ADARB2: variants seen among roughly 807,000 people sequenced by gnomAD.
ADARB2 encodes inactive double-stranded RNA-specific editase B2.
A neutral mutation model predicts 62.2 loss-of-function variants in ADARB2; 25 were observed. That is an observed-to-expected ratio of 0.40 (90% CI 0.29 to 0.56). ADARB2 has a LOEUF of 0.56. ADARB2 is among the 20% of genes least tolerant of loss of function. The probability of loss-of-function intolerance (pLI) is 0.43; values close to 1 mark genes in which losing one functional copy is unlikely to be tolerated. For synonymous variants in ADARB2, 572 were observed against 500.8 expected (o/e 1.14, Z -1.90); for missense variants, 1,071 against 1,077.4 (o/e 0.99, Z 0.08).
chr10:1,309,428 G>T (rs941728073), intron 3 of ADARB2, among the ~76,000 whole-genome samples: 1 of 152,162 alleles, frequency 6.6e-6, no homozygotes, highest in Non-Finnish European at 1.5e-5. Context: ...TGGGATACAC[G>T]AGGCCTGTCT....
chr10:1,665,790 T>C (rs114087776), intron 1 of ADARB2, among the ~76,000 whole-genome samples: 85 of 152,322 alleles, frequency 5.6e-4, no homozygotes, highest in Non-Finnish European at 9.3e-4. Flanking sequence ...GGGGGCCTTG[T>C]GTCCCCCAGA....
At chr10:1,217,528 G>A (rs1319282325) in intron 6 of ADARB2, among the ~76,000 whole-genome samples, 1 of 152,164 alleles carries the variant, frequency 6.6e-6, no homozygotes, top group African/African-American at 2.4e-5. Context: ...GTGAAACACC[G>A]TTTTTCTCAC....
At chr10:1,699,071 T>G (rs1834786336) in intron 1 of ADARB2, among the ~76,000 whole-genome samples, 1 of 152,226 alleles carries the variant, frequency 6.6e-6, no homozygotes, top group African/African-American at 2.4e-5. Context: ...GCAAATGACT[T>G]TTTTTAAACC....
intron 1 of ADARB2, among the ~76,000 whole-genome samples, chr10:1,729,126 C>A (rs529860099): frequency 1.2e-4 from 19 of 152,268 alleles, no homozygotes; most frequent in Non-Finnish European, 2.2e-4. Flanking sequence ...AAAAGGTTAT[C>A]TGTAGTAGTA....
At position 1,211,328 on chromosome 10, in the gene ADARB2, T is replaced by C. The variant is rs367720491; in HGVS notation, c.1682+5623A>G. Among the ~76,000 whole-genome samples, 62 of 152,340 alleles carry C rather than the reference T, an allele frequency of 4.1e-4. 1 individual carries two copies. The highest frequency in any genetic ancestry group is 1.5e-3 in the African/African-American group (61 of 41,568). On this transcript the variant is annotated intron_variant, in intron 7 of 9. Coordinates refer to ENST00000381312, the MANE Select transcript of ADARB2 (RefSeq NM_018702.4). ...TCTGTCATCTTCATCTATCTGTCAT[T>C]TATTGTTCTATGTATGCCTGCTATG...
Position 1,226,327 on chromosome 10 carries a change from C to G in ADARB2, c.1513+7367G>C, listed in dbSNP as rs191630169. On this transcript the variant is annotated intron_variant, in intron 6 of 9. Coordinates refer to ENST00000381312, the MANE Select transcript of ADARB2 (RefSeq NM_018702.4). Reference sequence around the variant, plus strand: ...CCATTCATCTAATTTTTTTTCAAAACTTTTAACTTCTTTGCCATTGGTTCG... The same window carrying G: ...CCATTCATCTAATTTTTTTTCAAAAGTTTTAACTTCTTTGCCATTGGTTCG... Among the ~76,000 whole-genome samples the G allele has an allele frequency of 1.6e-3, 239 of 152,148 alleles. 1 individual carries two copies. The highest frequency in any genetic ancestry group is 4.8e-3 in the African/African-American group (198 of 41,516).
rs540752158 is a variant in ADARB2 at position 1,711,764 on chromosome 10, T to C, written c.100+25287A>G. Among the ~76,000 whole-genome samples the C allele has an allele frequency of 1.9e-4, 29 of 152,338 alleles. No individual in the cohort carries two copies. The South Asian group carries it at 5.8e-3, about 30-fold the overall frequency. Reference sequence around the variant, plus strand: ...AAAATAAGTAATGAAAGAGTTTCCCTCCTGCCCAGGCTCTTATAGATTTAC... The same window carrying C: ...AAAATAAGTAATGAAAGAGTTTCCCCCCTGCCCAGGCTCTTATAGATTTAC... On this transcript the variant is annotated intron_variant, in intron 1 of 9. Transcript: ENST00000381312.
chr10:1,433,479 C>T (rs575304525), intron 1 of ADARB2, among the ~76,000 whole-genome samples: 12 of 152,298 alleles, frequency 7.9e-5, no homozygotes, highest in African/African-American at 2.9e-4. Flanking sequence ...CTCCTGCAAC[C>T]CTCATCACCT....
At chr10:1,571,638 G>A (rs1451725726) in intron 1 of ADARB2, among the ~76,000 whole-genome samples, 1 of 152,236 alleles carries the variant, frequency 6.6e-6, no homozygotes, top group East Asian at 1.9e-4. Flanking sequence ...GAGCAGGCAG[G>A]TGAGTATGCA....
chr10:1,566,103 A>ACC lies in ADARB2; in HGVS notation c.100+170947_100+170948insGG, dbSNP rs1564332548. Among the ~76,000 whole-genome samples, 77 of 129,654 alleles carry ACC rather than the reference A, an allele frequency of 5.9e-4. 7 individuals carry two copies. The highest frequency in any genetic ancestry group is 2.2e-3 in the Admixed American group (29 of 12,978). 85.1% of individuals were successfully genotyped at this position (129,654 alleles called of 152,430 possible). ...AAAAAAAAAAAAAAAAAAAAAAAAA[A>ACC]AAAAAAACTCCCCTGTGTACAGTGA... On this transcript the variant is annotated intron_variant, in intron 1 of 9. Coordinates refer to ENST00000381312, the MANE Select transcript of ADARB2 (RefSeq NM_018702.4).
At chr10:1,185,495 A>AAAAAC (rs59764134) in intron 8 of ADARB2, among the ~76,000 whole-genome samples, 94,335 of 150,722 alleles carry the variant, frequency 0.63, 29,830 homozygotes, top group Middle Eastern at 0.79. Flanking sequence ...AGCTGATGAG[A>AAAAAC]AAAACAAAAC....
chr10:1,578,777 C>T (rs967977321), intron 1 of ADARB2, among the ~76,000 whole-genome samples: 11 of 152,080 alleles, frequency 7.2e-5, no homozygotes, highest in South Asian at 2.1e-4. Context: ...CACAGGTACT[C>T]GTTTACAGAC....
intron 1 of ADARB2, among the ~76,000 whole-genome samples, chr10:1,487,085 C>G (rs758774138): frequency 6.6e-6 from 1 of 152,244 alleles, no homozygotes; most frequent in Non-Finnish European, 1.5e-5. Flanking sequence ...ATCAGCTGCA[C>G]GCGTGGGTGC....
chr10:1,714,671 A>G (rs1385195555), intron 1 of ADARB2, among the ~76,000 whole-genome samples: 3 of 152,200 alleles, frequency 2.0e-5, no homozygotes, highest in Non-Finnish European at 2.9e-5. Flanking sequence ...AGGAAGATCA[A>G]TACCTGCCTT....
intron 1 of ADARB2, among the ~76,000 whole-genome samples, chr10:1,525,892 TG>T (rs1215016564): frequency 2.6e-5 from 4 of 152,140 alleles, no homozygotes; most frequent in Admixed American, 6.5e-5. Context: ...TGTATGTGCA[TG>T]TGTGTGAGCG....
At chr10:1,242,342 C>T in intron 4 of ADARB2, 43 bp from the exon 5 acceptor site, 4 of 1,504,006 alleles carry the variant, frequency 2.7e-6, no homozygotes, top group Admixed American at 2.0e-5. Context: ...CCCACGGCCC[C>T]CGTCTCCCTC....
In ADARB2 at chr10:1,185,013, G is replaced by A; in HGVS notation, c.1891C>T (p.Pro631Ser). ...SGVSDAEARQ[P>S]GKSPPFSMNW... Reference sequence around the variant, plus strand: ...ATGCTGAAGGGGGGCGACTTCCCCGGCTGGCGCGCCTCGGCGTCACTCACG... The same window carrying A: ...ATGCTGAAGGGGGGCGACTTCCCCGACTGGCGCGCCTCGGCGTCACTCACG... The change falls in exon 9 of 10, where the codon CCG becomes TCG. Residue 631 changes from proline to serine, a missense_variant. By Grantham distance (74) the Pro-to-Ser change is moderately conservative. Transcript: ENST00000381312. 1 of 1,613,068 alleles carries A rather than the reference G, an allele frequency of 6.2e-7. No homozygotes were observed.
intron 7 of ADARB2, among the ~76,000 whole-genome samples, chr10:1,209,168 C>A (rs972903622): frequency 9.2e-5 from 14 of 152,234 alleles, no homozygotes; most frequent in African/African-American, 3.4e-4. Flanking sequence ...CCCAGAGCAA[C>A]GCTGAGGGCG....
At chr10:1,439,548 C>T (rs1288648420) in intron 1 of ADARB2, among the ~76,000 whole-genome samples, 4 of 96,186 alleles carry the variant, frequency 4.2e-5, no homozygotes, top group East Asian at 3.2e-4. Flanking sequence ...GTCTCCTCAG[C>T]AGATGGAGGC....
Sources: gnomAD v4.1 joint callset for allele counts (sites outside exome capture counted in the v4.1 genomes callset) on GRCh38, gnomAD v4.1.1 for gene constraint, MANE v1.5 for transcripts, NCBI Gene and HGNC (gene_info 2026-07-23, HGNC 2026-07-21) for gene names.